CYTH3: variants seen among roughly 807,000 people sequenced by gnomAD.
CYTH3 encodes cytohesin-3.
In CYTH3, 23 loss-of-function variants were observed where a neutral mutation model predicts 55.1. The ratio of observed to expected loss-of-function variants is 0.42; its 90% CI spans 0.30 to 0.59. The LOEUF (loss-of-function observed/expected upper bound fraction) is 0.59. Among genes scored for constraint, CYTH3 ranks in the 20% least tolerant of loss-of-function variants. The pLI is 0.20. For synonymous variants in CYTH3, 249 were observed against 194.9 expected, an observed-to-expected ratio of 1.28 and a Z score of -2.31; for missense variants, 413 against 524.8, an observed-to-expected ratio of 0.79 and a Z score of 2.08.
At chr7:6,182,343 C>T (rs1210630679) in intron 4 of CYTH3, among the ~76,000 whole-genome samples, 1 of 152,170 alleles carries the variant, frequency 6.6e-6, no homozygotes, top group East Asian at 1.9e-4. Flanking sequence ...AGCCACCGCA[C>T]CCAGCCTCCT....
At chr7:6,262,908 G>A (rs181010060) in intron 1 of CYTH3, among the ~76,000 whole-genome samples, 4 of 151,836 alleles carry the variant, frequency 2.6e-5, no homozygotes, top group East Asian at 1.9e-4. Flanking sequence ...AACAGAGCGC[G>A]ACTCTAATAA....
intron 1 of CYTH3, among the ~76,000 whole-genome samples, chr7:6,249,249 G>C (rs1322142943): frequency 6.6e-6 from 1 of 152,040 alleles, no homozygotes; most frequent in Non-Finnish European, 1.5e-5. Flanking sequence ...AAAAAGATAG[G>C]GCCCTTTACT....
intron 1 of CYTH3, among the ~76,000 whole-genome samples, chr7:6,231,738 A>G (rs1779395304): frequency 6.6e-6 from 1 of 152,238 alleles, no homozygotes; most frequent in Non-Finnish European, 1.5e-5. Flanking sequence ...AGAATCCTAG[A>G]TATTAACATG....
chr7:6,269,178 G>A (rs943176315), intron 1 of CYTH3, among the ~76,000 whole-genome samples: 1 of 152,194 alleles, frequency 6.6e-6, no homozygotes, highest in South Asian at 2.1e-4. Context: ...AGTCCCTGCA[G>A]GGAAAGGGCA....
rs1303550218 is a variant in CYTH3, at chr7:6,169,671, C to A, written c.823+864G>T. ...CATCCCCGCCCCGCAGGCAAAACAA[C>A]CCCTCAGCATTTCTAAAACTGCCCG... is the stretch of plus-strand genomic sequence containing the variant. On this transcript the variant is annotated intron_variant, in intron 9 of 12. Coordinates refer to ENST00000350796, the MANE Select transcript of CYTH3 (RefSeq NM_004227.4). This position sits in a 1 kb window ranked among gnomAD's most constrained non-coding sequence, Gnocchi z 4.1. Among the ~76,000 whole-genome samples, 3 of 152,246 alleles carry A rather than the reference C, an allele frequency of 2.0e-5. No homozygotes were observed. Among genetic ancestry groups the A allele is most frequent in the Admixed American group, 6.5e-5 (1 of 15,288 alleles).
intron 1 of CYTH3, among the ~76,000 whole-genome samples, chr7:6,245,318 T>C (rs1220840259): frequency 6.6e-6 from 1 of 152,138 alleles, no homozygotes; most frequent in Non-Finnish European, 1.5e-5. Flanking sequence ...AATTTTCATT[T>C]TGATACCTAA....
chr7:6,167,708 T>A lies in CYTH3; in HGVS notation c.824-1898A>T, dbSNP rs1433974706. On this transcript the variant is annotated intron_variant, in intron 9 of 12. Coordinates refer to ENST00000350796, the MANE Select transcript of CYTH3 (RefSeq NM_004227.4). The surrounding 1 kb of genome is among the most constrained non-coding windows in gnomAD (Gnocchi z 5.5). ...CTTTCTCCCTGCCCTGTTATCTGAG[T>A]CTCCAGTTCTTGGGGAGCTCATCCA... is the stretch of plus-strand genomic sequence containing the variant. Among the ~76,000 whole-genome samples the A allele has an allele frequency of 1.3e-5, 2 of 152,178 alleles. No homozygotes were observed. The highest frequency in any genetic ancestry group is 4.8e-5 in the African/African-American group (2 of 41,438).
intron 1 of CYTH3, among the ~76,000 whole-genome samples, chr7:6,213,698 G>A (rs879655093): frequency 2.6e-5 from 4 of 151,564 alleles, no homozygotes; most frequent in Non-Finnish European, 4.4e-5. Context: ...TGCTCTCTTC[G>A]GGTGTCTGAA....
intron 1 of CYTH3, among the ~76,000 whole-genome samples, chr7:6,250,496 GCACAGA>G (rs1208418120): frequency 5.3e-5 from 8 of 152,302 alleles, no homozygotes; most frequent in Admixed American, 4.6e-4. Flanking sequence ...CACAGGAGAA[GCACAGA>G]CACTGACACT....
chr7:6,259,892 G>C (rs1307547388), intron 1 of CYTH3, among the ~76,000 whole-genome samples: 2 of 129,830 alleles, frequency 1.5e-5, no homozygotes, highest in Non-Finnish European at 3.1e-5. Flanking sequence ...GAGCAATGGC[G>C]TGATCTCGGC....
chr7:6,210,773 G>C (rs1339489822), intron 1 of CYTH3, among the ~76,000 whole-genome samples: 1 of 152,164 alleles, frequency 6.6e-6, no homozygotes, highest in East Asian at 1.9e-4. Context: ...TAGGAAAGCA[G>C]TATTTTTTCC....
intron 1 of CYTH3, among the ~76,000 whole-genome samples, chr7:6,217,445 C>T (rs1460721394): frequency 6.6e-6 from 1 of 152,094 alleles, no homozygotes; most frequent in East Asian, 1.9e-4. Context: ...AAAACAGCTA[C>T]AGTAAACTTC....
At chr7:6,252,984 C>A (rs1199282423) in intron 1 of CYTH3, among the ~76,000 whole-genome samples, 1 of 152,166 alleles carries the variant, frequency 6.6e-6, no homozygotes. Flanking sequence ...GACATCTGAA[C>A]CACTCCGTAA....
intron 1 of CYTH3, among the ~76,000 whole-genome samples, chr7:6,233,438 C>G (rs1266805426): frequency 2.0e-5 from 3 of 152,028 alleles, no homozygotes; most frequent in Non-Finnish European, 4.4e-5. Flanking sequence ...GGGCAGATCA[C>G]GAGGTGAGGA....
At chr7:6,199,819 A>G (rs187398323) in intron 1 of CYTH3, among the ~76,000 whole-genome samples, 32 of 152,360 alleles carry the variant, frequency 2.1e-4, no homozygotes, top group Middle Eastern at 6.8e-3. Context: ...TATTGGGTTA[A>G]TAACAAATAT....
chr7:6,173,126 G>C, intron 6 of CYTH3: 1 of 955,748 alleles, frequency 1.0e-6, no homozygotes, highest in South Asian at 4.3e-5. Flanking sequence ...GACTCAGCCA[G>C]GGCACCAAGG....
At chr7:6,194,922 C>A (rs1406090044) in intron 1 of CYTH3, among the ~76,000 whole-genome samples, 1 of 152,032 alleles carries the variant, frequency 6.6e-6, no homozygotes, top group East Asian at 1.9e-4. Context: ...TTGCAGTGAG[C>A]CGAGATCGCG....
intron 1 of CYTH3, among the ~76,000 whole-genome samples, chr7:6,222,853 C>T (rs1240112068): frequency 2.0e-5 from 3 of 151,388 alleles, no homozygotes; most frequent in African/African-American, 7.3e-5. Flanking sequence ...TGACGGTTAA[C>T]TCTTATTTGA....
intron 1 of CYTH3, among the ~76,000 whole-genome samples, chr7:6,247,825 T>C (rs746989381): frequency 5.9e-5 from 9 of 151,966 alleles, no homozygotes; most frequent in Non-Finnish European, 1.2e-4. Flanking sequence ...AAATTTTTCT[T>C]GTTTTTTGTA....
Sources: allele counts gnomAD v4.1 joint callset (sites outside exome capture counted in the v4.1 genomes callset), GRCh38; gene constraint gnomAD v4.1.1; non-coding constraint Gnocchi (gnomAD v3.1); transcripts MANE v1.5; gene names NCBI Gene and HGNC (gene_info 2026-07-23, HGNC 2026-07-21).